CYP4F2: variants seen among roughly 807,000 people sequenced by gnomAD.
CYP4F2 encodes cytochrome P450 4F2.
A neutral mutation model predicts 58.9 loss-of-function variants in CYP4F2; 58 were observed. The observed-to-expected ratio is 0.98, with a 90% CI of 0.80 to 1.23. The LOEUF (loss-of-function observed/expected upper bound fraction) is 1.23, where lower values mean the gene tolerates loss of function less well. CYP4F2 is among the 50% of genes most tolerant of loss of function. The pLI is 0.00. For synonymous variants in CYP4F2, 287 were observed against 261.1 expected, an observed-to-expected ratio of 1.10 and a Z score of -0.95; for missense variants, 616 against 685.6, an observed-to-expected ratio of 0.90 and a Z score of 1.13.
intron 9 of CYP4F2, among the ~76,000 whole-genome samples, chr19:15,881,801 T>TAAAAAA (rs563702923): frequency 7.1e-6 from 1 of 141,752 alleles, no homozygotes. Context: ...CATTCAGCCT[T>TAAAAAA]AAAAAAAAAA....
intron 3 of CYP4F2, among the ~76,000 whole-genome samples, chr19:15,894,401 G>A (rs2089436372): frequency 6.6e-6 from 1 of 152,126 alleles, no homozygotes; most frequent in African/African-American, 2.4e-5. Context: ...GGAACTCTAG[G>A]GGAAAGGTGG....
chr19:15,880,502 C>T (rs1033428783), intron 9 of CYP4F2, among the ~76,000 whole-genome samples: 1 of 151,930 alleles, frequency 6.6e-6, no homozygotes, highest in African/African-American at 2.4e-5. Context: ...GTGGAGGGCA[C>T]CTGTAGTCCC....
At chr19:15,897,300 C>G (rs2089453326) in intron 2 of CYP4F2, 114 bp downstream of exon 2, 3 of 1,094,406 alleles carry the variant, frequency 2.7e-6, no homozygotes, top group Non-Finnish European at 4.0e-6. Flanking sequence ...GCCTCCTCTG[C>G]TTCTCTGCCA....
In CYP4F2 at chr19:15,895,501, G is replaced by A. The variant is rs2089442149; in HGVS notation, c.343+5C>T. The A allele has an allele frequency of 6.7e-7, 1 of 1,503,468 alleles. No individual in the cohort carries two copies. The highest frequency in any genetic ancestry group is 2.7e-5 in the Admixed American group (1 of 36,978). 93.1% of individuals were successfully genotyped at this position (1,503,468 alleles called of 1,614,324 possible). A position where few individuals can be genotyped will look rare whatever the true frequency, so the allele number is the denominator to read the frequency against. On this transcript the variant is annotated splice_donor_5th_base_variant and intron_variant, in intron 3 of 12. Transcript: ENST00000221700. ...CACTGCCCCACCAGCTGTTCCAGAT[G>A]GTACCTGAGGCGTTGATGACAGACC...
chr19:15,897,162 A>G (rs2089452660), intron 2 of CYP4F2, among the ~76,000 whole-genome samples: 1 of 152,070 alleles, frequency 6.6e-6, no homozygotes, highest in Non-Finnish European at 1.5e-5. Flanking sequence ...AGCCCCGCAG[A>G]GGTGCATTAA....
At chr19:15,891,623 C>G (rs137929870) in intron 5 of CYP4F2, among the ~76,000 whole-genome samples, 118 of 152,194 alleles carry the variant, frequency 7.8e-4, no homozygotes, top group African/African-American at 2.7e-3. Flanking sequence ...TTTTGGCTTT[C>G]GATGTCAAAA....
At position 15,886,049 on chromosome 19, in the gene CYP4F2, A is replaced by G. The variant is rs138990915; in HGVS notation, c.990T>C (p.His330=). 174 of 1,613,562 alleles carry G rather than the reference A, an allele frequency of 1.1e-4. No homozygotes were observed. The highest frequency in any genetic ancestry group is 1.4e-4 in the Non-Finnish European group (163 of 1,179,782). The part of the protein sequence containing the change: ...AEADTFMFEG[H]DTTASGLSWV... ...AGGAGAGACCACTGGCCGTGGTGTC[A>G]TGGCCTGGGGGGCAGCAAGGCAGGC... is the stretch of plus-strand genomic sequence containing the variant. Residue 330 remains histidine, a synonymous_variant, in exon 9 of 13, where the codon CAT becomes CAC. Transcript: ENST00000221700.
At position 15,895,798 on chromosome 19, in the gene CYP4F2, A is replaced by G. The variant is rs2089444067; in HGVS notation, c.199-148T>C. 1.7e-5 allele frequency: 17 copies of G among 986,540 alleles called. No individual in the cohort carries two copies. The South Asian group carries it at 2.6e-4, about 15-fold the overall frequency. 61.1% of individuals were successfully genotyped at this position (986,540 alleles called of 1,614,324 possible). ...TCCTATCTATCTAATTTTTCTATCT[A>G]TATATCTATCTGCCTACCCATCTAT... On this transcript the variant is annotated intron_variant, in intron 2 of 12. Coordinates refer to ENST00000221700, the MANE Select transcript of CYP4F2 (RefSeq NM_001082.5).
rs1301916982 is a variant in CYP4F2, at chr19:15,878,528, T to C, written c.*243A>G. The C allele has an allele frequency of 6.1e-6, 4 of 653,318 alleles. No individual in the cohort carries two copies. Among genetic ancestry groups the C allele is most frequent in the Non-Finnish European group, 1.0e-5 (4 of 398,884 alleles). The allele number at this position is 653,318 out of a possible 1,614,324, so 40.5% of individuals were successfully genotyped here. A position where few individuals can be genotyped will look rare whatever the true frequency, so the allele number is the denominator to read the frequency against. On this transcript the variant is annotated 3_prime_UTR_variant, in exon 13 of 13. Coordinates refer to ENST00000221700, the MANE Select transcript of CYP4F2 (RefSeq NM_001082.5). ...CATTGTATGGATGGACCACATTTTG[T>C]TTATCCTTTCATCTGGTAATATATA... is the stretch of plus-strand genomic sequence containing the variant.
chr19:15,897,208 G>A (rs930140016), intron 2 of CYP4F2, among the ~76,000 whole-genome samples: 44 of 152,282 alleles, frequency 2.9e-4, no homozygotes, highest in African/African-American at 9.9e-4. Flanking sequence ...TTCAATGCAG[G>A]CCTGGAGTGG....
At chr19:15,894,711 G>T (rs2215092) in intron 3 of CYP4F2, among the ~76,000 whole-genome samples, 7,987 of 152,234 alleles carry the variant, frequency 0.052, 228 homozygotes, top group Non-Finnish European at 0.06. Flanking sequence ...TCAGCATTTT[G>T]AGGTCAGAGC....
intron 7 of CYP4F2, 22 bp from the exon 8 acceptor site, chr19:15,886,330 C>CT: frequency 2.5e-6 from 4 of 1,611,682 alleles, no homozygotes; most frequent in Non-Finnish European, 3.4e-6. Flanking sequence ...GCAGTAACCC[C>CT]CCCCAACCCC....
chr19:15,892,638 G>T, intron 3 of CYP4F2, 56 bp from the exon 4 acceptor site: 2 of 1,589,494 alleles, frequency 1.3e-6, no homozygotes, highest in Admixed American at 1.8e-5. Flanking sequence ...AGGGACTTTG[G>T]GGGTGGGTGG....
chr19:15,892,487 C>T, intron 4 of CYP4F2, 42 bp downstream of exon 4: 1 of 1,614,036 alleles, frequency 6.2e-7, no homozygotes, highest in South Asian at 1.1e-5. Context: ...TCCCCTGGCC[C>T]CCCAACGTTT....
Position 15,879,824 on chromosome 19 carries a change from C to A in CYP4F2, c.1189G>T (p.Val397Phe). The A allele has an allele frequency of 6.2e-7, 1 of 1,614,062 alleles. No individual in the cohort carries two copies. The highest frequency in any genetic ancestry group is 8.5e-7 in the Non-Finnish European group (1 of 1,180,012). Residue 397 changes from valine to phenylalanine, a missense_variant, in exon 10 of 13, where the codon GTC (valine) becomes TTC (phenylalanine). Coordinates refer to ENST00000221700, the MANE Select transcript of CYP4F2 (RefSeq NM_001082.5). ...TCCTGGGTGACATGGCGGGAGATGACCGGGACTGGGGGATGCAGCCGCAGG... is the reference window on the plus strand; with the variant it reads ...TCCTGGGTGACATGGCGGGAGATGAACGGGACTGGGGGATGCAGCCGCAGG... ...ESLRLHPPVP[V>F]ISRHVTQDIV...
chr19:15,886,487 T>C, intron 7 of CYP4F2, 179 bp from the exon 8 acceptor site: 1 of 686,640 alleles, frequency 1.5e-6, no homozygotes, highest in South Asian at 2.1e-5. Context: ...CCTCACCTCA[T>C]GGCCTTCCTC....
intron 2 of CYP4F2, 30 bp downstream of exon 2, chr19:15,897,384 G>A (rs977179536): frequency 5.0e-6 from 8 of 1,599,946 alleles, no homozygotes; most frequent in Middle Eastern, 1.7e-4. Flanking sequence ...TCCATCCTGA[G>A]ACCTAGACCC....
At chr19:15,885,179 G>C (rs969041891) in intron 9 of CYP4F2, among the ~76,000 whole-genome samples, 1 of 148,584 alleles carries the variant, frequency 6.7e-6, no homozygotes, top group Non-Finnish European at 1.5e-5. Context: ...CAGTCTTCTT[G>C]ACCTAGAGCA....
At position 15,890,924 on chromosome 19, in the gene CYP4F2, A is replaced by G. The variant is rs3093149; in HGVS notation, c.526-491T>C. On this transcript the variant is annotated intron_variant, in intron 5 of 12. Coordinates refer to ENST00000221700, the MANE Select transcript of CYP4F2 (RefSeq NM_001082.5). ...CTGTTAAAATCAAATTAGACAATAC[A>G]TACTCGTATCATGGAATGGGCACAT... Among the ~76,000 whole-genome samples the G allele has an allele frequency of 3.8e-3, 579 of 152,290 alleles. 4 individuals carry two copies. Among genetic ancestry groups the G allele is most frequent in the African/African-American group, 0.014 (561 of 41,542 alleles).
Sources: allele counts gnomAD v4.1 joint callset (sites outside exome capture counted in the v4.1 genomes callset), GRCh38; gene constraint gnomAD v4.1.1; transcripts MANE v1.5; gene names NCBI Gene and HGNC (gene_info 2026-07-23, HGNC 2026-07-21).